Variants in CACNG7 observed in about 807,000 individuals in gnomAD.
The protein encoded by CACNG7 is voltage-dependent calcium channel gamma-7 subunit.
A neutral mutation model predicts 26.3 loss-of-function variants in CACNG7; 9 were observed. The ratio of observed to expected loss-of-function variants is 0.34; its 90% CI spans 0.21 to 0.60. The LOEUF (loss-of-function observed/expected upper bound fraction) is 0.60. CACNG7 is among the 20% of genes least tolerant of loss of function. The probability of loss-of-function intolerance (pLI) is 0.81; values close to 1 mark genes in which losing one functional copy is unlikely to be tolerated. For synonymous variants in CACNG7, 170 were observed against 157.0 expected, an observed-to-expected ratio of 1.08 and a Z score of -0.62; for missense variants, 297 against 380.4, an observed-to-expected ratio of 0.78 and a Z score of 1.82.
chr19:53,924,322 C>G (rs1358822495), intron 4 of CACNG7, among the ~76,000 whole-genome samples: 1 of 129,114 alleles, frequency 7.7e-6, no homozygotes, highest in Admixed American at 8.4e-5. Flanking sequence ...CAGGCCTGGT[C>G]ATTGGTGGAC....
Position 53,931,999 on chromosome 19 carries a change from G to A in CACNG7, c.425-9471G>A, listed in dbSNP as rs1208883951. Among the ~76,000 whole-genome samples, 7 of 151,260 alleles carry A rather than the reference G, an allele frequency of 4.6e-5. 1 individual carries two copies. Among genetic ancestry groups the A allele is most frequent in the Non-Finnish European group, 1.0e-4 (7 of 67,856 alleles). Reference sequence around the variant, plus strand: ...GATGGTCTCGATCTCCTGACCTCGTGATCCGCCTGCCTCAGCCTTCCAAAG... The same window carrying A: ...GATGGTCTCGATCTCCTGACCTCGTAATCCGCCTGCCTCAGCCTTCCAAAG... On this transcript the variant is annotated intron_variant, in intron 4 of 5. Coordinates refer to ENST00000391767, the MANE Select transcript of CACNG7 (RefSeq NM_031896.5).
Position 53,915,985 on chromosome 19 carries a change from C to A in CACNG7, c.424+480C>A, listed in dbSNP as rs535769809. ...TGCAATATTTTGTTTTAAATTTTTTCAAATAAATGGAAAAGTCCAAAGAAC... is the reference window on the plus strand; with the variant it reads ...TGCAATATTTTGTTTTAAATTTTTTAAAATAAATGGAAAAGTCCAAAGAAC... On this transcript the variant is annotated intron_variant, in intron 4 of 5. Transcript: ENST00000391767. Among the ~76,000 whole-genome samples the A allele has an allele frequency of 2.5e-4, 38 of 152,230 alleles. 1 individual carries two copies. In the South Asian group the frequency reaches 7.7e-3, roughly 31 times the overall value.
intron 4 of CACNG7, among the ~76,000 whole-genome samples, chr19:53,922,309 T>C (rs1315779562): frequency 1.4e-5 from 1 of 72,962 alleles, no homozygotes; most frequent in Non-Finnish European, 2.5e-5. Context: ...GGTGGAGTTG[T>C]CCCCAGGTCT....
rs144812524 is a variant in CACNG7 at position 53,926,891 on chromosome 19, C to T, written c.424+11386C>T. Among the ~76,000 whole-genome samples the T allele has an allele frequency of 2.5e-3, 386 of 152,222 alleles. 1 individual carries two copies. The highest frequency in any genetic ancestry group is 9.0e-3 in the African/African-American group (374 of 41,536). ...TCATGCCACTGCACTCTAGCTTGGT[C>T]GACAGAACAAGACTCTGTCTCAGAA... On this transcript the variant is annotated intron_variant, in intron 4 of 5. Transcript: ENST00000391767.
At chr19:53,919,134 C>T (rs2068917887) in intron 4 of CACNG7, among the ~76,000 whole-genome samples, 1 of 152,142 alleles carries the variant, frequency 6.6e-6, no homozygotes, top group African/African-American at 2.4e-5. Flanking sequence ...AACCCAGCCT[C>T]CTCACCATGG....
chr19:53,920,346 A>G (rs1249682154), intron 4 of CACNG7, among the ~76,000 whole-genome samples: 1 of 104,718 alleles, frequency 9.5e-6, no homozygotes, highest in Non-Finnish European at 1.8e-5. Flanking sequence ...TCATTGGTGG[A>G]GTTTCCCCAG....
intron 4 of CACNG7, among the ~76,000 whole-genome samples, chr19:53,924,930 G>C (rs2069012531): frequency 4.7e-5 from 7 of 148,284 alleles, no homozygotes; most frequent in Admixed American, 4.7e-4. Flanking sequence ...CCCCAGGTCT[G>C]GTCATTGGTG....
chr19:53,931,759 CT>C lies in CACNG7; in HGVS notation c.425-9691del, dbSNP rs776971448. Among the ~76,000 whole-genome samples, 1,074 of 108,726 alleles carry C rather than the reference CT, an allele frequency of 9.9e-3. 3 individuals carry two copies. The highest frequency in any genetic ancestry group is 0.034 in the African/African-American group (970 of 28,888). 71.3% of individuals were successfully genotyped at this position (108,726 alleles called of 152,430 possible). A position where few individuals can be genotyped will look rare whatever the true frequency, so the allele number is the denominator to read the frequency against. On this transcript the variant is annotated intron_variant, in intron 4 of 5. Coordinates refer to ENST00000391767, the MANE Select transcript of CACNG7 (RefSeq NM_031896.5). ...TACTATTTGTTTTTAACAACGCTGA[CT>C]TTTTTTTTTTTTTTTTTTTGAGATG...
At chr19:53,913,371 C>T (rs1384377712) in intron 2 of CACNG7, among the ~76,000 whole-genome samples, 1 of 151,770 alleles carries the variant, frequency 6.6e-6, no homozygotes, top group African/African-American at 2.4e-5. Context: ...CCTGTAATCC[C>T]AGCACTTTGG....
At position 53,942,294 on chromosome 19, in the gene CACNG7, G is replaced by A; in HGVS notation, c.*1G>A. 3 of 1,606,152 alleles carry A rather than the reference G, an allele frequency of 1.9e-6. No homozygotes were observed. The highest frequency in any genetic ancestry group is 2.6e-6 in the Non-Finnish European group (3 of 1,176,076). On this transcript the variant is annotated 3_prime_UTR_variant, in exon 6 of 6. Transcript: ENST00000391767. The surrounding 1 kb of genome is among the most constrained non-coding windows in gnomAD (Gnocchi z 5.9). ...GCACATCTCCACCTCGCCCTGCTGA[G>A]GCCCGCCCCTCGGAGCTCCCCCTGC...
At chr19:53,931,547 G>A (rs185494072) in intron 4 of CACNG7, among the ~76,000 whole-genome samples, 1 of 151,698 alleles carries the variant, frequency 6.6e-6, no homozygotes, top group East Asian at 2.0e-4. Flanking sequence ...AGTTAGCCAG[G>A]TGTGGTGGTG....
At chr19:53,936,178 C>G (rs2069104204) in intron 4 of CACNG7, among the ~76,000 whole-genome samples, 1 of 151,954 alleles carries the variant, frequency 6.6e-6, no homozygotes, top group Non-Finnish European at 1.5e-5. Flanking sequence ...GAGTGTCCCA[C>G]TGTCCTCATG....
chr19:53,932,820 T>G (rs1599996219), intron 4 of CACNG7, among the ~76,000 whole-genome samples: 1 of 151,656 alleles, frequency 6.6e-6, no homozygotes, highest in African/African-American at 2.4e-5. Flanking sequence ...TTTCAGTGTT[T>G]TCTTTTCTCT....
rs987600798 is a variant in CACNG7 at position 53,942,462 on chromosome 19, T to G, written c.*169T>G. 7 of 1,462,104 alleles carry G rather than the reference T, an allele frequency of 4.8e-6. No homozygotes were observed. The African/African-American group carries it at 8.5e-5, about 18-fold the overall frequency. The allele number at this position is 1,462,104 out of a possible 1,614,324, so 90.6% of individuals were successfully genotyped here. ...CCAATGGCTCCGCCCACAGACTCCC[T>G]TATTTCAATGGCCGCGCCCTCTTTT... On this transcript the variant is annotated 3_prime_UTR_variant, in exon 6 of 6. Coordinates refer to ENST00000391767, the MANE Select transcript of CACNG7 (RefSeq NM_031896.5). This position sits in a 1 kb window ranked among gnomAD's most constrained non-coding sequence, Gnocchi z 5.9.
chr19:53,924,718 G>C (rs2069008608), intron 4 of CACNG7, among the ~76,000 whole-genome samples: 1 of 151,354 alleles, frequency 6.6e-6, no homozygotes, highest in South Asian at 2.1e-4. Flanking sequence ...CCCCAGTTCT[G>C]GTATTGGTGG....
At chr19:53,915,319 C>A in intron 3 of CACNG7, 46 bp from the exon 4 acceptor site, 3 of 1,442,850 alleles carry the variant, frequency 2.1e-6, no homozygotes, top group Non-Finnish European at 2.9e-6. Flanking sequence ...AAGTGTCCCA[C>A]TGGAGATTCC....
intron 1 of CACNG7, among the ~76,000 whole-genome samples, chr19:53,911,042 G>GGTGGTGGTT (rs2068858737): frequency 6.7e-6 from 1 of 149,810 alleles, no homozygotes; most frequent in South Asian, 2.1e-4. Context: ...ATGCTGGATT[G>GGTGGTGGTT]GTGGTGGTGG....
At chr19:53,920,038 G>GT (rs1285448972) in intron 4 of CACNG7, among the ~76,000 whole-genome samples, 5 of 119,320 alleles carry the variant, frequency 4.2e-5, no homozygotes, top group South Asian at 2.8e-4. Context: ...CTTGCCCCAG[G>GT]CTGGTCATTG....
At chr19:53,923,167 G>C (rs1404176245) in intron 4 of CACNG7, among the ~76,000 whole-genome samples, 2 of 95,840 alleles carry the variant, frequency 2.1e-5, no homozygotes, top group African/African-American at 5.5e-5. Flanking sequence ...GTCATTGGTG[G>C]AGTTGTCCCA....
Sources: allele counts gnomAD v4.1 joint callset (sites outside exome capture counted in the v4.1 genomes callset), GRCh38; gene constraint gnomAD v4.1.1; non-coding constraint Gnocchi (gnomAD v3.1); transcripts MANE v1.5; gene names NCBI Gene and HGNC (gene_info 2026-07-23, HGNC 2026-07-21).